Variants in FAM149A observed in about 807,000 individuals in gnomAD.
FAM149A encodes protein FAM149A.
Under a neutral mutation model 78.2 loss-of-function variants are expected in FAM149A, and 71 were observed. That is an observed-to-expected ratio of 0.91 (90% CI 0.75 to 1.11). The LOEUF (loss-of-function observed/expected upper bound fraction) is 1.11. Among genes scored for constraint, FAM149A ranks in the 50% least tolerant of loss-of-function variants. FAM149A has a pLI of 0.00. For missense variants in FAM149A, 1,036 were observed against 971.0 expected, an observed-to-expected ratio of 1.07 and a Z score of -0.89; for synonymous variants, 446 against 410.5, an observed-to-expected ratio of 1.09 and a Z score of -1.04.
chr4:186,136,976 T>TCTCTCTCTCTCTCTCTCTCTCTC (rs2099323291), intron 1 of FAM149A, among the ~76,000 whole-genome samples: 6 of 72,118 alleles, frequency 8.3e-5, no homozygotes, highest in South Asian at 5.8e-4. Context: ...CTCTCTCTCT[T>TCTCTCTCTCTCTCTCTCTCTCTC]TCTCTCTCTC....
chr4:186,161,811 CAT>C (rs1420383996), intron 8 of FAM149A, among the ~76,000 whole-genome samples: 1 of 152,230 alleles, frequency 6.6e-6, no homozygotes, highest in Non-Finnish European at 1.5e-5. Context: ...TATTCCTCTA[CAT>C]ATGATTGTGG....
intron 1 of FAM149A, chr4:186,127,173 A>T: frequency 1.0e-6 from 1 of 981,554 alleles, no homozygotes; most frequent in Non-Finnish European, 1.2e-6. Context: ...CCTCTCGCCA[A>T]CTCCACCCTG....
At chr4:186,150,573 C>G (rs1303486991) in intron 3 of FAM149A, among the ~76,000 whole-genome samples, 6 of 50,888 alleles carry the variant, frequency 1.2e-4, no homozygotes, top group Non-Finnish European at 2.1e-4. Context: ...GCGCCCACCA[C>G]CACGCCCGGC....
At chr4:186,157,006 C>T (rs757754505) in intron 7 of FAM149A, among the ~76,000 whole-genome samples, 7 of 152,186 alleles carry the variant, frequency 4.6e-5, no homozygotes, top group African/African-American at 1.2e-4. Context: ...CACAGATACA[C>T]AAGAACAAGG....
In FAM149A at chr4:186,110,306, A is replaced by G. The variant is rs138892167; in HGVS notation, c.566+4664A>G. 885 of 983,354 alleles carry G rather than the reference A, an allele frequency of 9.0e-4. 8 individuals carry two copies. In the African/African-American group the frequency reaches 0.015, roughly 16 times the overall value. 60.9% of individuals were successfully genotyped at this position (983,354 alleles called of 1,614,324 possible). Reference sequence around the variant, plus strand: ...TGTTTCATCGTCTTGAGTTTTTCCAAAGTTAGTAATGCTTGCTGCTGGGAC... The same window carrying G: ...TGTTTCATCGTCTTGAGTTTTTCCAGAGTTAGTAATGCTTGCTGCTGGGAC... On this transcript the variant is annotated intron_variant, in intron 1 of 13. Coordinates refer to ENST00000389354, the MANE Select transcript of FAM149A (RefSeq NM_001367768.3).
In FAM149A at chr4:186,172,262, T is replaced by C. The variant is rs1356407831; in HGVS notation, c.*275T>C. On this transcript the variant is annotated 3_prime_UTR_variant, in exon 14 of 14. Coordinates refer to ENST00000389354, the MANE Select transcript of FAM149A (RefSeq NM_001367768.3). Reference sequence around the variant, plus strand: ...GATGTGTGTTTGCAGTCCGTCATTTTATCAATGATACGCAAACATAATTAG... The same window carrying C: ...GATGTGTGTTTGCAGTCCGTCATTTCATCAATGATACGCAAACATAATTAG... 1 of 345,308 alleles carries C rather than the reference T, an allele frequency of 2.9e-6. No individual in the cohort carries two copies. Among genetic ancestry groups the C allele is most frequent in the African/African-American group, 2.1e-5 (1 of 47,182 alleles). The allele number at this position is 345,308 out of a possible 1,614,324, so 21.4% of individuals were successfully genotyped here. A position where few individuals can be genotyped will look rare whatever the true frequency, so the allele number is the denominator to read the frequency against.
intron 1 of FAM149A, among the ~76,000 whole-genome samples, chr4:186,130,314 T>TATATATA (rs141900902): frequency 8.6e-6 from 1 of 116,456 alleles, no homozygotes; most frequent in African/African-American, 3.5e-5. Flanking sequence ...TATATATATA[T>TATATATA]AATCTATATC....
intron 1 of FAM149A, among the ~76,000 whole-genome samples, chr4:186,130,427 T>G (rs541926276): frequency 4.0e-5 from 6 of 151,220 alleles, no homozygotes; most frequent in East Asian, 2.0e-4. Flanking sequence ...CAGACTGGAG[T>G]GCACGGGCAT....
chr4:186,157,835 C>T (rs1169423559), intron 8 of FAM149A, 116 bp downstream of exon 8: 19 of 1,552,184 alleles, frequency 1.2e-5, no homozygotes, highest in African/African-American at 2.7e-5. Flanking sequence ...CCACGCTGCC[C>T]GCAGAGGGGT....
intron 8 of FAM149A, chr4:186,158,198 C>G: frequency 7.8e-7 from 1 of 1,280,030 alleles, no homozygotes; most frequent in Non-Finnish European, 1.0e-6. Context: ...AGCTGCTGGC[C>G]GCTTCTCTCC....
At chr4:186,158,601 C>A in intron 8 of FAM149A, 2 of 198,926 alleles carry the variant, frequency 1.0e-5, no homozygotes, top group Admixed American at 1.7e-4. Flanking sequence ...GCATTGCCGC[C>A]CAGCCCGAGG....
chr4:186,104,837 C>A lies in FAM149A; in HGVS notation c.-240C>A. On this transcript the variant is annotated 5_prime_UTR_variant, in exon 1 of 14. In the 5' UTR this introduces an upstream ATG that the reference lacks. Transcript: ENST00000389354. ...TTCGGCCCTCGGGGGTCTCACGGCG[C>A]TGGGACGAGGCGGGGCTGCTCTCCG... The A allele has an allele frequency of 1.9e-6, 1 of 536,944 alleles. No individual in the cohort carries two copies. Among genetic ancestry groups the A allele is most frequent in the Non-Finnish European group, 2.4e-6 (1 of 420,236 alleles). The allele number at this position is 536,944 out of a possible 1,614,324, so 33.3% of individuals were successfully genotyped here.
At chr4:186,117,403 A>G in intron 1 of FAM149A, 3 of 979,634 alleles carry the variant, frequency 3.1e-6, no homozygotes, top group Non-Finnish European at 3.6e-6. Flanking sequence ...AATAAGATAA[A>G]TGATCCAAGA....
intron 1 of FAM149A, chr4:186,127,363 A>C (rs2099318772): frequency 1.0e-6 from 1 of 985,306 alleles, no homozygotes; most frequent in Admixed American, 6.1e-5. Context: ...GTCTACCTGG[A>C]TTCCACAGGT....
chr4:186,138,369 C>A (rs577078418), intron 1 of FAM149A, among the ~76,000 whole-genome samples: 1 of 152,214 alleles, frequency 6.6e-6, no homozygotes, highest in East Asian at 1.9e-4. Flanking sequence ...TTGGGGGTTA[C>A]AATTATATTT....
chr4:186,153,773 A>G lies in FAM149A; in HGVS notation c.1058+3A>G, dbSNP rs1733802839. The G allele has an allele frequency of 5.6e-6, 9 of 1,595,194 alleles. No individual in the cohort carries two copies. Among genetic ancestry groups the G allele is most frequent in the Non-Finnish European group, 7.7e-6 (9 of 1,165,714 alleles). ...GGACACAGCAGCAACATCAGAGAGT[A>G]TGTTCAGATAAGTGACTCTCAAAAA... On this transcript the variant is annotated splice_donor_region_variant and intron_variant, in intron 5 of 13. Coordinates refer to ENST00000389354, the MANE Select transcript of FAM149A (RefSeq NM_001367768.3).
chr4:186,157,220 T>G (rs1010914718), intron 7 of FAM149A, among the ~76,000 whole-genome samples: 1 of 152,262 alleles, frequency 6.6e-6, no homozygotes, highest in African/African-American at 2.4e-5. Flanking sequence ...ATGTCAGTGA[T>G]GGACATTAAT....
At chr4:186,145,506 TG>T (rs1306541056) in intron 1 of FAM149A, among the ~76,000 whole-genome samples, 2 of 152,228 alleles carry the variant, frequency 1.3e-5, no homozygotes, top group Non-Finnish European at 2.9e-5. Flanking sequence ...CTGCTGTCAC[TG>T]ACATTAGAAT....
rs1027833948 is a variant in FAM149A at position 186,173,178 on chromosome 4, G to C, written c.*1191G>C. 1.7e-4 allele frequency among the ~76,000 whole-genome samples: 19 copies of C among 111,238 alleles called. 5 individuals carry two copies. Among genetic ancestry groups the C allele is most frequent in the Admixed American group, 8.8e-5 (1 of 11,352 alleles). The allele number at this position is 111,238 out of a possible 152,430, so 73.0% of individuals were successfully genotyped here. A position where few individuals can be genotyped will look rare whatever the true frequency, so the allele number is the denominator to read the frequency against. On this transcript the variant is annotated 3_prime_UTR_variant, in exon 14 of 14. Coordinates refer to ENST00000389354, the MANE Select transcript of FAM149A (RefSeq NM_001367768.3). The stretch of plus-strand genomic sequence containing the variant: ...ATAAATGCATAATAAATTACTTTCA[G>C]ACTATTTCTGGCTGTAAGGAGAAGG...
Sources: allele counts gnomAD v4.1 joint callset (sites outside exome capture counted in the v4.1 genomes callset), GRCh38; gene constraint gnomAD v4.1.1; transcripts MANE v1.5; gene names NCBI Gene and HGNC (gene_info 2026-07-23, HGNC 2026-07-21).